Variants in INPP4B observed in about 807,000 individuals in gnomAD.
INPP4B encodes the protein inositol polyphosphate 4-phosphatase type II.
Under a neutral mutation model 122.5 loss-of-function variants are expected in INPP4B, and 55 were observed. That is an observed-to-expected ratio of 0.45 (90% CI 0.36 to 0.56). INPP4B has a LOEUF of 0.56. Among genes scored for constraint, INPP4B ranks in the 20% least tolerant of loss-of-function variants. The probability of loss-of-function intolerance (pLI) is 0.00; values close to 1 mark genes in which losing one functional copy is unlikely to be tolerated. For missense variants in INPP4B, 1,000 were observed against 1,097.7 expected (o/e 0.91, Z 1.26); for synonymous variants, 403 against 388.7 (o/e 1.04, Z -0.43).
intron 25 of INPP4B, chr4:142,029,505 G>T (rs1698388676): frequency 1.0e-6 from 1 of 985,462 alleles, no homozygotes; most frequent in African/African-American, 1.7e-5. Context: ...GGTACATCAA[G>T]ACACAAACAA....
chr4:142,073,000 T>A (rs893247522), intron 25 of INPP4B, among the ~76,000 whole-genome samples: 7 of 152,124 alleles, frequency 4.6e-5, no homozygotes, highest in Non-Finnish European at 8.8e-5. Flanking sequence ...CCACTTTATG[T>A]GCCATAGTGG....
chr4:142,240,087 G>A (rs950077017), intron 11 of INPP4B, among the ~76,000 whole-genome samples: 1 of 81,154 alleles, frequency 1.2e-5, no homozygotes, highest in East Asian at 3.3e-4. Flanking sequence ...TTTTTTTTTT[G>A]AGACAGGGTC....
chr4:142,665,756 T>G (rs1221441299), intron 2 of INPP4B, among the ~76,000 whole-genome samples: 1 of 151,970 alleles, frequency 6.6e-6, no homozygotes, highest in East Asian at 1.9e-4. Context: ...CAAAAATAAC[T>G]AATGTCATAT....
rs1813566992 is a variant in INPP4B, at chr4:142,150,936, G to A, written c.1564-4940C>T. ...CAGAAAGAATGTGAAGACTAAGCCAGAGCTGATATAGATGTACAAAATAGC... is the reference window on the plus strand; with the variant it reads ...CAGAAAGAATGTGAAGACTAAGCCAAAGCTGATATAGATGTACAAAATAGC... On this transcript the variant is annotated intron_variant, in intron 17 of 25. Transcript: ENST00000262992. 2.0e-5 allele frequency among the ~76,000 whole-genome samples: 3 copies of A among 152,308 alleles called. No homozygotes were observed. The South Asian group carries it at 6.2e-4, about 32-fold the overall frequency.
intron 16 of INPP4B, among the ~76,000 whole-genome samples, chr4:142,164,358 T>A (rs565383548): frequency 6.6e-6 from 1 of 152,032 alleles, no homozygotes; most frequent in South Asian, 2.1e-4. Context: ...AGGCAATGCC[T>A]AATTCCACCT....
At chr4:142,408,999 G>GA (rs370354032) in intron 5 of INPP4B, among the ~76,000 whole-genome samples, 2 of 151,788 alleles carry the variant, frequency 1.3e-5, no homozygotes, top group Admixed American at 1.3e-4. Flanking sequence ...CTTGTCATCA[G>GA]AAAAAAAATA....
intron 17 of INPP4B, among the ~76,000 whole-genome samples, chr4:142,149,608 G>C (rs1561293225): frequency 6.6e-6 from 1 of 152,166 alleles, no homozygotes; most frequent in South Asian, 2.1e-4. Flanking sequence ...AGAGGTGTGT[G>C]CCACTTTACA....
chr4:142,606,973 T>C (rs992257412), intron 2 of INPP4B, among the ~76,000 whole-genome samples: 3 of 151,992 alleles, frequency 2.0e-5, no homozygotes, highest in Non-Finnish European at 4.4e-5. Context: ...GAAACCTAAA[T>C]ATACAAATAA....
chr4:142,646,562 T>TTCC (rs1751830784), intron 2 of INPP4B, among the ~76,000 whole-genome samples: 1 of 152,186 alleles, frequency 6.6e-6, no homozygotes, highest in Admixed American at 6.5e-5. Flanking sequence ...TGTTGACACT[T>TTCC]TCAGACATGT....
chr4:142,374,772 T>C (rs879645253), intron 7 of INPP4B, among the ~76,000 whole-genome samples: 1 of 151,898 alleles, frequency 6.6e-6, no homozygotes, highest in Non-Finnish European at 1.5e-5. Context: ...AAAATAATTA[T>C]CAATTCCGTT....
At chr4:142,335,954 G>A (rs953924758) in intron 7 of INPP4B, among the ~76,000 whole-genome samples, 1 of 152,198 alleles carries the variant, frequency 6.6e-6, no homozygotes, top group Non-Finnish European at 1.5e-5. Context: ...ACGACCTAGT[G>A]AGAACTTCCG....
chr4:142,255,253 C>G (rs1735140954), intron 11 of INPP4B, among the ~76,000 whole-genome samples: 1 of 151,714 alleles, frequency 6.6e-6, no homozygotes, highest in East Asian at 1.9e-4. Context: ...CAAAATCATG[C>G]CAAAATGTAA....
intron 2 of INPP4B, among the ~76,000 whole-genome samples, chr4:142,466,638 G>C (rs966918915): frequency 3.3e-5 from 5 of 152,192 alleles, no homozygotes; most frequent in Non-Finnish European, 5.9e-5. Context: ...GCAACTACTT[G>C]CTAGAGAGAT....
At chr4:142,809,788 G>C (rs1480561363) in intron 1 of INPP4B, among the ~76,000 whole-genome samples, 1 of 151,896 alleles carries the variant, frequency 6.6e-6, no homozygotes, top group Admixed American at 6.6e-5. Context: ...ACACAGTCAA[G>C]TTGCAGCCAA....
intron 14 of INPP4B, among the ~76,000 whole-genome samples, chr4:142,207,908 C>A (rs1021362717): frequency 1.3e-5 from 2 of 152,062 alleles, no homozygotes; most frequent in African/African-American, 4.8e-5. Flanking sequence ...CTATATATTT[C>A]TCTTTGACAA....
At chr4:142,107,157 C>A (rs986506934) in intron 23 of INPP4B, among the ~76,000 whole-genome samples, 5 of 152,018 alleles carry the variant, frequency 3.3e-5, no homozygotes, top group Non-Finnish European at 5.9e-5. Context: ...CTGCAAGTGA[C>A]ATTTTTAACT....
intron 2 of INPP4B, among the ~76,000 whole-genome samples, chr4:142,498,743 A>C (rs1015190966): frequency 1.3e-5 from 2 of 152,166 alleles, no homozygotes; most frequent in African/African-American, 4.8e-5. Flanking sequence ...GTGAGCTGAG[A>C]CTGCACCACT....
intron 2 of INPP4B, among the ~76,000 whole-genome samples, chr4:142,612,526 A>C (rs189348666): frequency 6.6e-6 from 1 of 152,324 alleles, no homozygotes; most frequent in East Asian, 1.9e-4. Flanking sequence ...TCAAGGTACC[A>C]ACATATTTGG....
At chr4:142,450,804 C>T (rs1466661202) in intron 3 of INPP4B, among the ~76,000 whole-genome samples, 1 of 152,092 alleles carries the variant, frequency 6.6e-6, no homozygotes, top group East Asian at 1.9e-4. Flanking sequence ...TTCTAGAGCC[C>T]TTTCTCTTTC....
Sources: allele counts gnomAD v4.1 joint callset (sites outside exome capture counted in the v4.1 genomes callset), GRCh38; gene constraint gnomAD v4.1.1; transcripts MANE v1.5; gene names NCBI Gene and HGNC (gene_info 2026-07-23, HGNC 2026-07-21).